The following RAPGEF1 variants were observed in gnomAD, a reference collection of about 807,000 sequenced individuals.
The protein encoded by RAPGEF1 is Rap guanine nucleotide exchange factor 1.
In RAPGEF1, 33 loss-of-function variants were observed where a neutral mutation model predicts 143.3. That is an observed-to-expected ratio of 0.23 (90% CI 0.17 to 0.31). The LOEUF (loss-of-function observed/expected upper bound fraction) is 0.31, where lower values mean the gene tolerates loss of function less well. RAPGEF1 is among the 10% of genes least tolerant of loss of function. The pLI is 1.00. For missense variants in RAPGEF1, 1,199 were observed against 1,645.4 expected (o/e 0.73, Z 4.69); for synonymous variants, 629 against 676.5 (o/e 0.93, Z 1.09).
chr9:131,597,867 T>C (rs11243444), intron 16 of RAPGEF1, among the ~76,000 whole-genome samples: 18,638 of 152,146 alleles, frequency 0.12, 2,065 homozygotes, highest in African/African-American at 0.28. Flanking sequence ...TTCCCATTAG[T>C]GAGGGCCGGC....
chr9:131,588,429 C>T (rs535382568), intron 20 of RAPGEF1, among the ~76,000 whole-genome samples: 1 of 152,338 alleles, frequency 6.6e-6, no homozygotes, highest in African/African-American at 2.4e-5. Flanking sequence ...ACTCAACAGA[C>T]ATGTATAGGT....
intron 1 of RAPGEF1, among the ~76,000 whole-genome samples, chr9:131,726,398 G>A (rs1010694083): frequency 3.9e-5 from 6 of 151,996 alleles, no homozygotes; most frequent in Non-Finnish European, 7.4e-5. Flanking sequence ...AGGCTGAGGC[G>A]GGCAGATCAC....
chr9:131,660,311 G>T lies in RAPGEF1; in HGVS notation c.62-9362C>A, dbSNP rs192474181. Among the ~76,000 whole-genome samples the T allele has an allele frequency of 4.6e-5, 7 of 152,056 alleles. No individual in the cohort carries two copies. In the South Asian group the frequency reaches 1.2e-3, roughly 27 times the overall value. On this transcript the variant is annotated intron_variant, in intron 1 of 26. Transcript: ENST00000683357. ...CTGGATAACTATGACACTGCTAATG[G>T]GAATATTAAGCCTATCTTTTAAAAA...
intron 1 of RAPGEF1, among the ~76,000 whole-genome samples, chr9:131,664,217 G>C (rs887136412): frequency 6.6e-6 from 1 of 152,018 alleles, no homozygotes; most frequent in South Asian, 2.1e-4. Context: ...GAATCACCCC[G>C]TACCTTCCCT....
rs959414285 is a variant in RAPGEF1, at chr9:131,581,587, G to A, written c.3512+1018C>T. ...GGTTGCGCATGCCTGTAGTCCCATC[G>A]ACTACTCAGGAGGCTGAGGTGGGAG... On this transcript the variant is annotated intron_variant, in intron 25 of 26. Transcript: ENST00000683357. Among the ~76,000 whole-genome samples, 56 of 151,544 alleles carry A rather than the reference G, an allele frequency of 3.7e-4. 1 individual carries two copies. Among genetic ancestry groups the A allele is most frequent in the African/African-American group, 1.7e-4 (7 of 41,222 alleles).
intron 5 of RAPGEF1, among the ~76,000 whole-genome samples, chr9:131,631,843 T>C (rs986033560): frequency 6.6e-6 from 1 of 152,180 alleles, no homozygotes; most frequent in Non-Finnish European, 1.5e-5. Flanking sequence ...TGGTCAATAA[T>C]CATAAGACAT....
intron 1 of RAPGEF1, among the ~76,000 whole-genome samples, chr9:131,671,944 G>A (rs562385773): frequency 1.3e-5 from 2 of 152,320 alleles, no homozygotes; most frequent in Admixed American, 1.3e-4. Context: ...GGCTAATATC[G>A]TTTCACGAAA....
intron 11 of RAPGEF1, among the ~76,000 whole-genome samples, chr9:131,620,505 T>C (rs971795869): frequency 2.0e-5 from 3 of 152,188 alleles, no homozygotes; most frequent in African/African-American, 7.2e-5. Context: ...TTCAGAGCAA[T>C]TGAGATTCAC....
chr9:131,587,599 G>T, intron 22 of RAPGEF1, 137 bp downstream of exon 22: 1 of 808,066 alleles, frequency 1.2e-6, no homozygotes, highest in Non-Finnish European at 2.0e-6. Flanking sequence ...GTGCTCATGG[G>T]AACCCCCAGG....
chr9:131,628,389 G>A lies in RAPGEF1; in HGVS notation c.1017+160C>T, dbSNP rs374275662. On this transcript the variant is annotated intron_variant, in intron 8 of 26. Transcript: ENST00000683357. This position sits in a 1 kb window ranked among gnomAD's most constrained non-coding sequence, Gnocchi z 5.7. Reference sequence around the variant, plus strand: ...TTATCCCCATATGGGAACTTGGACCGTGTCCTGGAGAGAGAGGGATGGGTA... The same window carrying A: ...TTATCCCCATATGGGAACTTGGACCATGTCCTGGAGAGAGAGGGATGGGTA... Among the ~76,000 whole-genome samples, 3 of 152,200 alleles carry A rather than the reference G, an allele frequency of 2.0e-5. No homozygotes were observed. The highest frequency in any genetic ancestry group is 2.9e-5 in the Non-Finnish European group (2 of 68,024).
rs750327460 is a variant in RAPGEF1, at chr9:131,605,035, C to G, written c.2215G>C (p.Gly739Arg). The G allele has an allele frequency of 7.3e-7, 1 of 1,363,504 alleles. No homozygotes were observed. Among genetic ancestry groups the G allele is most frequent in the African/African-American group, 1.5e-5 (1 of 67,638 alleles). The allele number at this position is 1,363,504 out of a possible 1,614,324, so 84.5% of individuals were successfully genotyped here. A position where few individuals can be genotyped will look rare whatever the true frequency, so the allele number is the denominator to read the frequency against. ...CCGTCCACGGTGCTGGGAGGTGGACCGGCCATGGTTGGCACGGCTAAGTCA... is the reference window on the plus strand; with the variant it reads ...CCGTCCACGGTGCTGGGAGGTGGACGGGCCATGGTTGGCACGGCTAAGTCA... ...SSDLAVPTMAGPPPSTVDGPL... is the reference protein window; with the variant it reads ...SSDLAVPTMARPPPSTVDGPL... The change falls in exon 13 of 27, where the codon GGT (glycine) becomes CGT (arginine). Residue 739 changes from glycine to arginine, a missense_variant. Gly to Arg is a moderately radical substitution (Grantham distance 125). Around this residue, in one of 6 missense-constraint regions of RAPGEF1, gnomAD observed 293 missense variants for 356.2 expected, o/e 0.82. Transcript: ENST00000683357.
chr9:131,674,240 C>G (rs139524716), intron 1 of RAPGEF1, among the ~76,000 whole-genome samples: 1 of 152,092 alleles, frequency 6.6e-6, no homozygotes, highest in Non-Finnish European at 1.5e-5. Context: ...AATATTAGCA[C>G]AGAACTATGT....
At chr9:131,658,283 C>T (rs2133588614) in intron 1 of RAPGEF1, among the ~76,000 whole-genome samples, 1 of 152,290 alleles carries the variant, frequency 6.6e-6, no homozygotes, top group East Asian at 1.9e-4. Flanking sequence ...CTCCCGGCAC[C>T]TGGGGTTGCC....
In RAPGEF1 at chr9:131,583,818, C is replaced by T. The variant is rs978696668; in HGVS notation, c.3414+493G>A. Among the ~76,000 whole-genome samples, 6 of 152,208 alleles carry T rather than the reference C, an allele frequency of 3.9e-5. No homozygotes were observed. Among genetic ancestry groups the T allele is most frequent in the Non-Finnish European group, 8.8e-5 (6 of 68,030 alleles). ...TCCTTTGTCCCCTTTGATTCTCTTC[C>T]CTTCCCAGGAAACTCCTCCTCCTCT... On this transcript the variant is annotated intron_variant, in intron 24 of 26. Transcript: ENST00000683357. This position sits in a 1 kb window ranked among gnomAD's most constrained non-coding sequence, Gnocchi z 4.7.
chr9:131,594,081 C>T (rs906905388), intron 17 of RAPGEF1, among the ~76,000 whole-genome samples: 3 of 152,174 alleles, frequency 2.0e-5, no homozygotes, highest in Admixed American at 6.5e-5. Context: ...CACCCGCAAG[C>T]AATGTGGCGG....
In RAPGEF1 at chr9:131,621,892, G is replaced by A. The variant is rs1961180991; in HGVS notation, c.1809C>T (p.Leu603=). ...EHIYQQKNKL[L]MEVYGFSDSF... ...AGTCGCTGAAGCCGTATACCTCCAT[G>A]AGGAGCTTGTTCTTCTGCTGGTAGA... Residue 603 remains leucine (L), a synonymous_variant, in exon 11 of 27, where the codon CTC becomes CTT. Coordinates refer to ENST00000683357, the MANE Select transcript of RAPGEF1 (RefSeq NM_001377935.1). The surrounding 1 kb of genome is among the most constrained non-coding windows in gnomAD (Gnocchi z 4.5). 1.2e-6 allele frequency: 2 copies of A among 1,613,464 alleles called. No individual in the cohort carries two copies. The highest frequency in any genetic ancestry group is 1.7e-6 in the Non-Finnish European group (2 of 1,179,720).
At chr9:131,710,982 A>G (rs1835463834) in intron 1 of RAPGEF1, among the ~76,000 whole-genome samples, 1 of 152,118 alleles carries the variant, frequency 6.6e-6, no homozygotes, top group Non-Finnish European at 1.5e-5. Flanking sequence ...TAAGAATCAA[A>G]CAAAAGAGAA....
At chr9:131,718,647 G>T (rs1326058903) in intron 1 of RAPGEF1, among the ~76,000 whole-genome samples, 2 of 152,190 alleles carry the variant, frequency 1.3e-5, no homozygotes, top group East Asian at 3.8e-4. Flanking sequence ...TCCAAACCAA[G>T]ATTTCTAAGC....
At chr9:131,620,317 T>G (rs1255819773) in intron 11 of RAPGEF1, among the ~76,000 whole-genome samples, 1 of 151,522 alleles carries the variant, frequency 6.6e-6, no homozygotes, top group Non-Finnish European at 1.5e-5. Flanking sequence ...TTGTCCAGGC[T>G]GGTCTTGAAC....
Sources: gnomAD v4.1 joint callset for allele counts (sites outside exome capture counted in the v4.1 genomes callset) on GRCh38, gnomAD v4.1.1 for gene constraint, gnomAD v4.1.1 regional missense constraint, Gnocchi (gnomAD v3.1) non-coding constraint, MANE v1.5 for transcripts, NCBI Gene and HGNC (gene_info 2026-07-23, HGNC 2026-07-21) for gene names.